DPYD: variants seen among roughly 807,000 people sequenced by gnomAD.
The protein encoded by DPYD is dihydropyrimidine dehydrogenase [NADP(+)].
In DPYD, 109 loss-of-function variants were observed where a neutral mutation model predicts 116.2. The observed-to-expected ratio is 0.94, with a 90% CI of 0.80 to 1.10. The LOEUF (loss-of-function observed/expected upper bound fraction) is 1.10, where lower values mean the gene tolerates loss of function less well. DPYD is among the 50% of genes least tolerant of loss of function. The pLI is 0.00. For synonymous variants in DPYD, 440 were observed against 432.0 expected, an observed-to-expected ratio of 1.02 and a Z score of -0.23; for missense variants, 1,302 against 1,254.5, an observed-to-expected ratio of 1.04 and a Z score of -0.57.
intron 19 of DPYD, among the ~76,000 whole-genome samples, chr1:97,201,806 G>C (rs1659226448): frequency 6.6e-6 from 1 of 152,024 alleles, no homozygotes; most frequent in Admixed American, 6.6e-5. Flanking sequence ...TGGCAATTGA[G>C]ACAGCAGGCT....
rs191223964 is a variant in DPYD, at chr1:97,786,021, T to C, written c.233+42093A>G. 5.3e-5 allele frequency among the ~76,000 whole-genome samples: 8 copies of C among 151,250 alleles called. 1 individual carries two copies. In the South Asian group the frequency reaches 8.4e-4, roughly 16 times the overall value. On this transcript the variant is annotated intron_variant, in intron 3 of 22. Coordinates refer to ENST00000370192, the MANE Select transcript of DPYD (RefSeq NM_000110.4). Reference sequence around the variant, plus strand: ...CCACTGACTCTTGACTGCAATGATATCTTCCCAATTTGGCCTTTAAATCTT... The same window carrying C: ...CCACTGACTCTTGACTGCAATGATACCTTCCCAATTTGGCCTTTAAATCTT...
At chr1:97,602,139 AGTAT>A in intron 8 of DPYD, among the ~76,000 whole-genome samples, 1 of 152,114 alleles carries the variant, frequency 6.6e-6, no homozygotes, top group East Asian at 1.9e-4. Flanking sequence ...TGGATTACTG[AGTAT>A]TATTATATCA....
intron 18 of DPYD, among the ~76,000 whole-genome samples, chr1:97,260,216 T>C (rs1663789576): frequency 1.3e-5 from 2 of 152,244 alleles, no homozygotes; most frequent in South Asian, 2.1e-4. Context: ...ATAAGTACTA[T>C]AGGCATTAAA....
chr1:97,830,276 A>G (rs887984339), intron 2 of DPYD, among the ~76,000 whole-genome samples: 1 of 152,204 alleles, frequency 6.6e-6, no homozygotes, highest in Non-Finnish European at 1.5e-5. Flanking sequence ...ACAAGTTCAT[A>G]AAAGAATTAA....
At chr1:97,214,273 A>G (rs1660231595) in intron 19 of DPYD, among the ~76,000 whole-genome samples, 1 of 152,072 alleles carries the variant, frequency 6.6e-6, no homozygotes, top group Non-Finnish European at 1.5e-5. Context: ...ATTGCACACT[A>G]TTTTCACTCA....
intron 3 of DPYD, among the ~76,000 whole-genome samples, chr1:97,743,041 T>G (rs903280721): frequency 1.2e-4 from 18 of 152,120 alleles, no homozygotes; most frequent in African/African-American, 3.4e-4. Context: ...TAATGTGCAG[T>G]GTATTTTTCT....
chr1:97,674,305 T>G (rs777073513), intron 8 of DPYD, among the ~76,000 whole-genome samples: 1 of 152,194 alleles, frequency 6.6e-6, no homozygotes, highest in Non-Finnish European at 1.5e-5. Flanking sequence ...TTTCGTAGTG[T>G]CTACTGTGAC....
At chr1:97,669,475 T>A (rs1257925317) in intron 8 of DPYD, among the ~76,000 whole-genome samples, 1 of 152,142 alleles carries the variant, frequency 6.6e-6, no homozygotes, top group Non-Finnish European at 1.5e-5. Flanking sequence ...TTTGGACACC[T>A]CTTAAGCCAT....
At chr1:97,650,470 T>C (rs1303642914) in intron 8 of DPYD, among the ~76,000 whole-genome samples, 6 of 152,166 alleles carry the variant, frequency 3.9e-5, no homozygotes, top group Non-Finnish European at 8.8e-5. Flanking sequence ...CAATTCAGTT[T>C]CTAAGTTATT....
At chr1:97,586,620 C>T (rs1654144126) in intron 10 of DPYD, among the ~76,000 whole-genome samples, 1 of 150,288 alleles carries the variant, frequency 6.7e-6, no homozygotes, top group South Asian at 2.1e-4. Context: ...CAACAACCTC[C>T]TTCAGAATTT....
At chr1:97,633,240 A>G (rs949337639) in intron 8 of DPYD, among the ~76,000 whole-genome samples, 2 of 152,276 alleles carry the variant, frequency 1.3e-5, no homozygotes, top group African/African-American at 4.8e-5. Flanking sequence ...AGGGTCAAAT[A>G]TGAGATAAAG....
intron 13 of DPYD, among the ~76,000 whole-genome samples, chr1:97,454,926 G>A (rs1257206452): frequency 1.3e-5 from 2 of 151,782 alleles, no homozygotes; most frequent in Non-Finnish European, 3.0e-5. Context: ...AGTGAATCAT[G>A]GCTACATATA....
rs546913724 is a variant in DPYD, at chr1:97,790,112, T to G, written c.233+38002A>C. ...AAACCTGGGACCTACGTTGTAAACT[T>G]TTCATCTACCTCCCTCAAGAAATCA... On this transcript the variant is annotated intron_variant, in intron 3 of 22. Coordinates refer to ENST00000370192, the MANE Select transcript of DPYD (RefSeq NM_000110.4). Among the ~76,000 whole-genome samples the G allele has an allele frequency of 2.0e-5, 3 of 152,220 alleles. No individual in the cohort carries two copies. In the South Asian group the frequency reaches 6.2e-4, roughly 32 times the overall value.
At chr1:97,598,508 T>C (rs1034793088) in intron 8 of DPYD, among the ~76,000 whole-genome samples, 1 of 152,124 alleles carries the variant, frequency 6.6e-6, no homozygotes, top group African/African-American at 2.4e-5. Context: ...AGAATAGTTA[T>C]TGAAGTTTTT....
chr1:97,612,554 T>A (rs1235991227), intron 8 of DPYD, among the ~76,000 whole-genome samples: 2 of 152,030 alleles, frequency 1.3e-5, no homozygotes, highest in Non-Finnish European at 2.9e-5. Flanking sequence ...ATAGAAACAT[T>A]ATTATCTCTG....
At chr1:97,814,903 CAAAAA>C (rs71071673) in intron 3 of DPYD, among the ~76,000 whole-genome samples, 2 of 63,684 alleles carry the variant, frequency 3.1e-5, no homozygotes, top group African/African-American at 4.9e-5. Context: ...GACCCTGTCT[CAAAAA>C]AAAAAAAAAA....
chr1:97,279,573 C>A lies in DPYD; in HGVS notation c.2299+25686G>T, dbSNP rs559235390. On this transcript the variant is annotated intron_variant, in intron 18 of 22. Transcript: ENST00000370192. ...TAACTCAGGCTGGAGTGCAGTGGTG[C>A]GATCTTGGGTCACCGCAACCTCCGC... Among the ~76,000 whole-genome samples, 3 of 152,236 alleles carry A rather than the reference C, an allele frequency of 2.0e-5. No homozygotes were observed. The East Asian group carries it at 5.8e-4, about 29-fold the overall frequency.
At chr1:97,877,998 C>T (rs145092436) in intron 2 of DPYD, among the ~76,000 whole-genome samples, 74 of 151,996 alleles carry the variant, frequency 4.9e-4, no homozygotes, top group African/African-American at 1.5e-3. Flanking sequence ...AAAAATTAAA[C>T]GTATTTGGAA....
chr1:97,377,035 C>T (rs1367548502), intron 15 of DPYD, among the ~76,000 whole-genome samples: 1 of 150,348 alleles, frequency 6.7e-6, no homozygotes, highest in Non-Finnish European at 1.5e-5. Context: ...AGGAAAACAT[C>T]AAGTCAGAGA....
Sources: allele counts gnomAD v4.1 joint callset (sites outside exome capture counted in the v4.1 genomes callset), GRCh38; gene constraint gnomAD v4.1.1; transcripts MANE v1.5; gene names NCBI Gene and HGNC (gene_info 2026-07-23, HGNC 2026-07-21).